Variants in GRIA4 observed in about 807,000 individuals in gnomAD.
The protein encoded by GRIA4 is glutamate receptor 4.
Under a neutral mutation model 104.0 loss-of-function variants are expected in GRIA4, and 34 were observed. The observed-to-expected ratio is 0.33, with a 90% confidence interval of 0.25 to 0.44. The LOEUF is 0.44. Ranked by LOEUF, GRIA4 falls within the 20% of genes least tolerant of loss-of-function variation. GRIA4 has a pLI of 1.00. For synonymous variants in GRIA4, 386 were observed against 381.9 expected (o/e 1.01, Z -0.13); for missense variants, 750 against 1,096.5 (o/e 0.68, Z 4.46).
intron 11 of GRIA4, among the ~76,000 whole-genome samples, chr11:105,921,228 T>C (rs918413989): frequency 6.6e-6 from 1 of 152,074 alleles, no homozygotes; most frequent in African/African-American, 2.4e-5. Flanking sequence ...CTACCATGCC[T>C]GTGCACTAAA....
intron 3 of GRIA4, among the ~76,000 whole-genome samples, chr11:105,625,010 A>G (rs1020540654): frequency 2.0e-5 from 3 of 152,140 alleles, no homozygotes; most frequent in African/African-American, 4.8e-5. Context: ...GTGATTATAA[A>G]TTTAAAAATG....
chr11:105,677,430 T>C (rs1012056859), intron 3 of GRIA4, among the ~76,000 whole-genome samples: 1 of 151,832 alleles, frequency 6.6e-6, no homozygotes, highest in South Asian at 2.1e-4. Context: ...GATCAGCTAA[T>C]AAAATATCAG....
chr11:105,919,491 T>C (rs534912928), intron 11 of GRIA4, among the ~76,000 whole-genome samples: 3 of 152,266 alleles, frequency 2.0e-5, no homozygotes, highest in African/African-American at 7.2e-5. Flanking sequence ...TTTTTTATAA[T>C]AGTATACATA....
rs1206118933 is a variant in GRIA4, at chr11:105,803,861, AAG to A, written c.487+50659_487+50660del. Among the ~76,000 whole-genome samples, 185 of 147,012 alleles carry A rather than the reference AAG, an allele frequency of 1.3e-3. 3 individuals carry two copies. Among genetic ancestry groups the A allele is most frequent in the Middle Eastern group, 7.0e-3 (2 of 286 alleles). ...TGCTATACCAAAAAAAAAAAAAAAA[AAG>A]AGAGAGAGAGAGAGAGAAGAGCCAT... On this transcript the variant is annotated intron_variant, in intron 4 of 16. Coordinates refer to ENST00000282499, the MANE Select transcript of GRIA4 (RefSeq NM_000829.4).
At chr11:105,624,849 T>C (rs1001676623) in intron 3 of GRIA4, among the ~76,000 whole-genome samples, 1 of 152,088 alleles carries the variant, frequency 6.6e-6, no homozygotes, top group Admixed American at 6.6e-5. Context: ...TACTCCTCAT[T>C]TTAAACAATT....
chr11:105,637,365 A>G (rs1466854718), intron 3 of GRIA4, among the ~76,000 whole-genome samples: 2 of 152,284 alleles, frequency 1.3e-5, no homozygotes, highest in African/African-American at 4.8e-5. Context: ...AATGCTTTTA[A>G]GTTGGATTGA....
chr11:105,921,306 G>GGTGTGTGTGTGTGT (rs5794436), intron 11 of GRIA4, among the ~76,000 whole-genome samples: 6 of 138,768 alleles, frequency 4.3e-5, no homozygotes, highest in Admixed American at 7.2e-5. Flanking sequence ...ACCACACTTG[G>GGTGTGTGTGTGTGT]GTGTGTGTGT....
At chr11:105,672,001 T>A (rs73627660) in intron 3 of GRIA4, among the ~76,000 whole-genome samples, 191 of 152,226 alleles carry the variant, frequency 1.3e-3, no homozygotes, top group African/African-American at 4.4e-3. Context: ...TGGTGATTAT[T>A]TCTGCAGTGC....
At chr11:105,673,184 C>T (rs937524017) in intron 3 of GRIA4, among the ~76,000 whole-genome samples, 8 of 152,086 alleles carry the variant, frequency 5.3e-5, no homozygotes, top group African/African-American at 7.2e-5. Context: ...TATCTGAATG[C>T]AAATTATCAT....
intron 4 of GRIA4, among the ~76,000 whole-genome samples, chr11:105,827,456 T>G (rs1295234866): frequency 6.6e-6 from 1 of 152,068 alleles, no homozygotes; most frequent in Non-Finnish European, 1.5e-5. Context: ...TCAAAAAATT[T>G]TCTCATGTTA....
At chr11:105,908,492 T>A (rs1947120568) in intron 9 of GRIA4, among the ~76,000 whole-genome samples, 1 of 152,150 alleles carries the variant, frequency 6.6e-6, no homozygotes, top group Admixed American at 6.5e-5. Flanking sequence ...TGACCCCTCA[T>A]GTGGACTTAC....
At chr11:105,625,539 T>C (rs377480198) in intron 3 of GRIA4, among the ~76,000 whole-genome samples, 1 of 152,154 alleles carries the variant, frequency 6.6e-6, no homozygotes, top group Admixed American at 6.6e-5. Flanking sequence ...GCATTCTGGA[T>C]GTCCCCTGGA....
chr11:105,712,571 G>T (rs1446840930), intron 3 of GRIA4, among the ~76,000 whole-genome samples: 2 of 151,954 alleles, frequency 1.3e-5, no homozygotes, highest in African/African-American at 4.8e-5. Context: ...TTTTCAAAGG[G>T]ATTATTACAA....
Position 105,820,214 on chromosome 11 carries a change from C to T in GRIA4, c.488-41810C>T, listed in dbSNP as rs115446828. ...TCTGTGGCACTTTGTTTCCACATCCCTAGGAAACTGAAATAATCCTCTTTT... is the reference window on the plus strand; with the variant it reads ...TCTGTGGCACTTTGTTTCCACATCCTTAGGAAACTGAAATAATCCTCTTTT... On this transcript the variant is annotated intron_variant, in intron 4 of 16. Transcript: ENST00000282499. Among the ~76,000 whole-genome samples the T allele has an allele frequency of 3.9e-3, 589 of 152,178 alleles. 6 individuals carry two copies. The highest frequency in any genetic ancestry group is 0.013 in the African/African-American group (542 of 41,540).
chr11:105,864,660 C>A (rs575056003), intron 5 of GRIA4, among the ~76,000 whole-genome samples: 1 of 152,198 alleles, frequency 6.6e-6, no homozygotes, highest in South Asian at 2.1e-4. Flanking sequence ...CACCTGAGGT[C>A]GGGAGTTCGA....
chr11:105,933,193 G>A (rs935185110), intron 13 of GRIA4, among the ~76,000 whole-genome samples: 20 of 151,916 alleles, frequency 1.3e-4, no homozygotes, highest in African/African-American at 4.8e-4. Context: ...AGTGAGCTAT[G>A]ATCATGTCAC....
intron 3 of GRIA4, among the ~76,000 whole-genome samples, chr11:105,741,926 G>A (rs1169303863): frequency 1.3e-5 from 2 of 152,044 alleles, no homozygotes; most frequent in South Asian, 2.1e-4. Flanking sequence ...TGAATAAGTC[G>A]TATGGCATGA....
intron 4 of GRIA4, among the ~76,000 whole-genome samples, chr11:105,802,860 C>A (rs1201759251): frequency 6.6e-6 from 1 of 151,594 alleles, no homozygotes; most frequent in East Asian, 1.9e-4. Flanking sequence ...ATTTCACTTA[C>A]ATTAAGAATA....
At chr11:105,871,982 A>T (rs1348065542) in intron 5 of GRIA4, among the ~76,000 whole-genome samples, 1 of 152,102 alleles carries the variant, frequency 6.6e-6, no homozygotes, top group African/African-American at 2.4e-5. Context: ...AAAGTCAGAA[A>T]TGTATGTGAA....
Sources: allele counts gnomAD v4.1 joint callset (sites outside exome capture counted in the v4.1 genomes callset), GRCh38; gene constraint gnomAD v4.1.1; transcripts MANE v1.5; gene names NCBI Gene and HGNC (gene_info 2026-07-23, HGNC 2026-07-21).